EPHB4: variants seen among roughly 807,000 people sequenced by gnomAD.
EPHB4 encodes EPH receptor B4.
EPHB4 carries 50 observed loss-of-function variants against 110.6 expected under a neutral mutation model. The ratio of observed to expected loss-of-function variants is 0.45; its 90% CI spans 0.36 to 0.57. The LOEUF is 0.57. Ranked by LOEUF, EPHB4 falls within the 20% of genes least tolerant of loss-of-function variation. The pLI is 0.00. For missense variants in EPHB4, 1,128 were observed against 1,382.1 expected (o/e 0.82, Z 2.91); for synonymous variants, 592 against 578.4 (o/e 1.02, Z -0.34).
At position 100,805,652 on chromosome 7, in the gene EPHB4, G is replaced by A. The variant is rs1181837179; in HGVS notation, c.2527C>T (p.Pro843Ser). The A allele has an allele frequency of 6.5e-7, 1 of 1,540,776 alleles. No homozygotes were observed. The highest frequency in any genetic ancestry group is 8.7e-7 in the Non-Finnish European group (1 of 1,146,170). ...IEQDYRLPPP[P>S]DCPTSLHQLM... ...TGGTGGAGGGAGGTGGGACAGTCTGGGGGCGGGGGCAGCCGGTAGTCCTGT... is the reference window on the plus strand; with the variant it reads ...TGGTGGAGGGAGGTGGGACAGTCTGAGGGCGGGGGCAGCCGGTAGTCCTGT... The change falls in exon 15 of 17, where the codon CCA becomes TCA. Residue 843 changes from proline (P) to serine (S), a missense_variant. Around this residue, in one of 3 missense-constraint regions of EPHB4, gnomAD observed 209 missense variants for 240.5 expected, o/e 0.87. Coordinates refer to ENST00000358173, the MANE Select transcript of EPHB4 (RefSeq NM_004444.5).
At chr7:100,808,085 A>G (rs1160168257) in intron 12 of EPHB4, among the ~76,000 whole-genome samples, 5 of 152,152 alleles carry the variant, frequency 3.3e-5, no homozygotes, top group African/African-American at 1.2e-4. Flanking sequence ...CATTGCTTAC[A>G]ATGGTTCCTG....
Position 100,803,603 on chromosome 7 carries a change from A to G in EPHB4, c.2835-13T>C, listed in dbSNP as rs781304760. On this transcript the variant is annotated splice_polypyrimidine_tract_variant and intron_variant, in intron 16 of 16. Coordinates refer to ENST00000358173, the MANE Select transcript of EPHB4 (RefSeq NM_004444.5). ...TCGGAGCAGGTCCCTGCAGAAGGAAAGGAGAGCTTGGTGAGACCCTAGGTT... is the reference window on the plus strand; with the variant it reads ...TCGGAGCAGGTCCCTGCAGAAGGAAGGGAGAGCTTGGTGAGACCCTAGGTT... 9 of 1,593,002 alleles carry G rather than the reference A, an allele frequency of 5.6e-6. No individual in the cohort carries two copies. The highest frequency in any genetic ancestry group is 7.7e-6 in the Non-Finnish European group (9 of 1,165,546).
chr7:100,807,575 G>A lies in EPHB4; in HGVS notation c.2124C>T (p.Asn708=), dbSNP rs770139116. ...NGALDSFLRL[N]DGQFTVIQLV... ...GCTGGATGACTGTGAACTGTCCGTC[G>A]TTTAGCTGGAGAGCAGATAGGGTGG... is the stretch of plus-strand genomic sequence containing the variant. Residue 708 remains asparagine (N), a synonymous_variant, in exon 13 of 17, where the codon AAC becomes AAT. Coordinates refer to ENST00000358173, the MANE Select transcript of EPHB4 (RefSeq NM_004444.5). The A allele has an allele frequency of 3.7e-6, 6 of 1,612,868 alleles. No individual in the cohort carries two copies. The Admixed American group carries it at 5.0e-5, about 13-fold the overall frequency.
intron 12 of EPHB4, among the ~76,000 whole-genome samples, chr7:100,810,123 G>A (rs1812896634): frequency 1.3e-5 from 2 of 152,138 alleles, no homozygotes; most frequent in African/African-American, 4.8e-5. Flanking sequence ...GGTGGCACTC[G>A]CCTGTAGTCC....
chr7:100,805,762 A>C, intron 14 of EPHB4, 68 bp from the exon 15 acceptor site: 1 of 1,365,826 alleles, frequency 7.3e-7, no homozygotes, highest in Non-Finnish European at 9.5e-7. Flanking sequence ...CAGGCCCAGG[A>C]AATGGTGACT....
Position 100,803,540 on chromosome 7 carries a change from A to C in EPHB4, c.2885T>G (p.Leu962Trp). The C allele has an allele frequency of 6.2e-7, 1 of 1,603,772 alleles. No homozygotes were observed. The highest frequency in any genetic ancestry group is 8.5e-7 in the Non-Finnish European group (1 of 1,175,208). ...VTLAGHQKKI[L>W]ASVQHMKSQA... ...GGACTTCATGTGCTGGACACTGGCCAAGATTTTCTTCTGGTGTCCCGCCAG... is the reference window on the plus strand; with the variant it reads ...GGACTTCATGTGCTGGACACTGGCCCAGATTTTCTTCTGGTGTCCCGCCAG... Residue 962 changes from leucine to tryptophan, a missense_variant, in exon 17 of 17, where the codon TTG becomes TGG. Physicochemically the swap from Leu to Trp is moderately conservative, Grantham distance 61. This residue lies in a region of EPHB4 where 209 missense variants were observed against 240.5 expected (regional missense o/e 0.87). Transcript: ENST00000358173.
At chr7:100,818,747 G>C in intron 6 of EPHB4, 103 bp from the exon 7 acceptor site, 3 of 1,399,412 alleles carry the variant, frequency 2.1e-6, no homozygotes, top group Non-Finnish European at 2.8e-6. Flanking sequence ...CTATCACCCA[G>C]GCTGGAGTGC....
At chr7:100,819,284 T>A (rs938803935) in intron 6 of EPHB4, among the ~76,000 whole-genome samples, 4 of 118,284 alleles carry the variant, frequency 3.4e-5, no homozygotes, top group Non-Finnish European at 7.6e-5. Context: ...GGCTAATATT[T>A]TTATTTTTTG....
At position 100,813,962 on chromosome 7, in the gene EPHB4, C is replaced by A; in HGVS notation, c.1648G>T (p.Val550Phe). The A allele has an allele frequency of 1.9e-6, 3 of 1,614,184 alleles. No homozygotes were observed. Among genetic ancestry groups the A allele is most frequent in the Non-Finnish European group, 2.5e-6 (3 of 1,180,042 alleles). ...ACCACAATGACCACCAGGACCAGGA[C>A]CACACCCACGACTGCCGTGCCCGCA... ...LIAGTAVVGV[V>F]LVLVVIVVAV... Residue 550 changes from valine to phenylalanine, a missense_variant, in exon 9 of 17, where the codon GTC (valine) becomes TTC (phenylalanine). Transcript: ENST00000358173.
rs188920114 is a variant in EPHB4, at chr7:100,810,871, G to A, written c.2118+1876C>T. 3.6e-4 allele frequency among the ~76,000 whole-genome samples: 55 copies of A among 152,230 alleles called. 1 individual carries two copies. The highest frequency in any genetic ancestry group is 1.1e-3 in the African/African-American group (45 of 41,556). ...ACTAGAGAAACGTGAAAATCAACTG[G>A]GTATTCAATGACGCTAGGGAATCGC... On this transcript the variant is annotated intron_variant, in intron 12 of 16. Coordinates refer to ENST00000358173, the MANE Select transcript of EPHB4 (RefSeq NM_004444.5).
intron 13 of EPHB4, 148 bp downstream of exon 13, chr7:100,807,217 C>T: frequency 1.3e-6 from 1 of 747,050 alleles, no homozygotes; most frequent in South Asian, 1.8e-5. Flanking sequence ...AAGTCGGCTT[C>T]CTGGAGCTGA....
chr7:100,812,824 C>G lies in EPHB4; in HGVS notation c.2041G>C (p.Gly681Arg). The stretch of plus-strand genomic sequence containing the variant: ...ACGGGCATGCTGTTGGTGACCACGC[C>G]CTCCAGGCGGATGATATTGGGGTGC... ...FEHPNIIRLEGVVTNSMPVMI... is the reference protein window; with the variant it reads ...FEHPNIIRLERVVTNSMPVMI... The change falls in exon 12 of 17, where the codon GGC (glycine) becomes CGC (arginine). Residue 681 changes from glycine (G) to arginine (R), a missense_variant. Gly to Arg is a moderately radical substitution (Grantham distance 125). This residue lies in a region of EPHB4 where 191 missense variants were observed against 313.0 expected (regional missense o/e 0.61). Transcript: ENST00000358173. The G allele has an allele frequency of 6.2e-7, 1 of 1,614,204 alleles. No individual in the cohort carries two copies. Among genetic ancestry groups the G allele is most frequent in the Non-Finnish European group, 8.5e-7 (1 of 1,180,034 alleles).
intron 1 of EPHB4, among the ~76,000 whole-genome samples, chr7:100,826,021 C>T (rs1313200530): frequency 2.0e-5 from 3 of 152,226 alleles, no homozygotes; most frequent in Admixed American, 6.5e-5. Flanking sequence ...GTTTTTCTAA[C>T]GCCGCTGAAT....
intron 6 of EPHB4, among the ~76,000 whole-genome samples, chr7:100,819,261 C>T (rs1813158591): frequency 6.6e-6 from 1 of 151,090 alleles, no homozygotes; most frequent in Admixed American, 6.7e-5. Context: ...CACAGGCATG[C>T]ACCACCTCGC....
intron 1 of EPHB4, among the ~76,000 whole-genome samples, chr7:100,825,733 G>GTT (rs1412454019): frequency 1.3e-5 from 2 of 152,232 alleles, no homozygotes; most frequent in African/African-American, 4.8e-5. Flanking sequence ...TGCTGGATGG[G>GTT]TGAAATTAAT....
At chr7:100,807,635 C>G (rs1812846350) in intron 12 of EPHB4, 55 bp from the exon 13 acceptor site, 1 of 1,547,238 alleles carries the variant, frequency 6.5e-7, no homozygotes, top group South Asian at 1.2e-5. Flanking sequence ...ACCGTTCCCC[C>G]TCCCATCCAC....
chr7:100,825,141 G>A (rs1016834503), intron 1 of EPHB4: 1 of 152,080 alleles, frequency 6.6e-6, no homozygotes. Flanking sequence ...GTGGAGAGGG[G>A]AGCCAGAACA....
chr7:100,819,279 A>G (rs1584663132), intron 6 of EPHB4, among the ~76,000 whole-genome samples: 1 of 132,036 alleles, frequency 7.6e-6, no homozygotes, highest in Non-Finnish European at 1.7e-5. Context: ...CGCCTGGCTA[A>G]TATTTTTATT....
At chr7:100,815,688 G>A (rs1813049587) in intron 8 of EPHB4, among the ~76,000 whole-genome samples, 2 of 152,052 alleles carry the variant, frequency 1.3e-5, no homozygotes, top group South Asian at 4.1e-4. Flanking sequence ...ACAAGGTTTA[G>A]AAAGCCACTG....
Sources: gnomAD v4.1 joint callset for allele counts (sites outside exome capture counted in the v4.1 genomes callset) on GRCh38, gnomAD v4.1.1 for gene constraint, gnomAD v4.1.1 regional missense constraint, MANE v1.5 for transcripts, NCBI Gene and HGNC (gene_info 2026-07-23, HGNC 2026-07-21) for gene names.